Variants in FANCA observed in about 807,000 individuals in gnomAD.
FANCA encodes FA complementation group A.
FANCA carries 236 observed loss-of-function variants against 194.3 expected under a neutral mutation model. That is an observed-to-expected ratio of 1.21 (90% confidence interval 1.09 to 1.35). The LOEUF (loss-of-function observed/expected upper bound fraction) is 1.35, where lower values mean the gene tolerates loss of function less well. Among genes scored for constraint, FANCA ranks in the 40% most tolerant of loss-of-function variants. The pLI, the probability that FANCA is intolerant of heterozygous loss-of-function variation, is 0.00. For synonymous variants in FANCA, 1,014 were observed against 715.8 expected (o/e 1.42, Z -6.65); for missense variants, 2,628 against 1,813.9 (o/e 1.45, Z -8.15).
At chr16:89,777,819 A>G (rs1306920299) in intron 20 of FANCA, among the ~76,000 whole-genome samples, 1 of 152,022 alleles carries the variant, frequency 6.6e-6, no homozygotes, top group Non-Finnish European at 1.5e-5. Context: ...ATTTTCCTTC[A>G]GTTCTCCTCT....
At chr16:89,771,155 C>CA (rs34471552) in intron 23 of FANCA, among the ~76,000 whole-genome samples, 1,191 of 56,378 alleles carry the variant, frequency 0.021, 16 homozygotes, top group South Asian at 0.028. Context: ...AAGACTCAGT[C>CA]AAAAAAAAAA....
intron 6 of FANCA, among the ~76,000 whole-genome samples, chr16:89,805,995 C>G (rs2088658503): frequency 6.6e-6 from 1 of 152,110 alleles, no homozygotes; most frequent in South Asian, 2.1e-4. Context: ...TCACTACAAC[C>G]TCCGCCTCCC....
At chr16:89,814,325 C>T (rs908961074) in intron 3 of FANCA, among the ~76,000 whole-genome samples, 195 bp downstream of exon 3, 9 of 152,170 alleles carry the variant, frequency 5.9e-5, no homozygotes, top group African/African-American at 1.7e-4. Context: ...TTGAATCAGA[C>T]GCTGTTTTTA....
At chr16:89,799,066 G>C (rs548994758) in intron 10 of FANCA, 100 bp downstream of exon 10, 1 of 1,614,196 alleles carries the variant, frequency 6.2e-7, no homozygotes, top group Non-Finnish European at 8.5e-7. Context: ...GCTCAGGAGC[G>C]GGCTGCTGAA....
chr16:89,812,500 G>C (rs2040925348), intron 3 of FANCA, among the ~76,000 whole-genome samples: 1 of 150,772 alleles, frequency 6.6e-6, no homozygotes, highest in Non-Finnish European at 1.5e-5. Flanking sequence ...TACAAAATTA[G>C]CCAGGCGTGG....
chr16:89,784,228 C>A (rs571807254), intron 15 of FANCA, among the ~76,000 whole-genome samples: 1 of 152,066 alleles, frequency 6.6e-6, no homozygotes, highest in African/African-American at 2.4e-5. Flanking sequence ...AAAAAACAGC[C>A]AGGTTTGCTG....
intron 11 of FANCA, among the ~76,000 whole-genome samples, chr16:89,795,130 C>CA (rs1247563889): frequency 3.3e-5 from 5 of 151,194 alleles, no homozygotes; most frequent in African/African-American, 4.9e-5. Flanking sequence ...ACTAAAAATA[C>CA]AAAAATTAGC....
chr16:89,807,751 C>T (rs574225428), intron 6 of FANCA, among the ~76,000 whole-genome samples: 22 of 152,050 alleles, frequency 1.4e-4, no homozygotes, highest in Non-Finnish European at 2.8e-4. Context: ...GGCGTGGTGG[C>T]GGACGCCTGT....
chr16:89,793,387 G>A (rs1369253534), intron 11 of FANCA, among the ~76,000 whole-genome samples: 1 of 152,076 alleles, frequency 6.6e-6, no homozygotes, highest in Non-Finnish European at 1.5e-5. Flanking sequence ...GTCTCTGTAT[G>A]GCCTGGCTTT....
At chr16:89,752,269 G>A in intron 30 of FANCA, 47 bp from the exon 31 acceptor site, 5 of 1,495,190 alleles carry the variant, frequency 3.3e-6, no homozygotes, top group Non-Finnish European at 4.7e-6. Context: ...GCCTAATAGT[G>A]CTGAAGTTCC....
intron 36 of FANCA, among the ~76,000 whole-genome samples, chr16:89,744,186 C>T (rs934564527): frequency 5.9e-5 from 9 of 152,200 alleles, no homozygotes; most frequent in South Asian, 2.1e-4. Context: ...TGCGCCACCG[C>T]GCCGGGGCCC....
At chr16:89,790,670 A>C (rs938983991) in intron 14 of FANCA, among the ~76,000 whole-genome samples, 2 of 151,744 alleles carry the variant, frequency 1.3e-5, no homozygotes, top group Non-Finnish European at 2.9e-5. Context: ...CGGAGTTTGC[A>C]GTGAGCCGAG....
At chr16:89,782,824 C>G (rs371314755) in intron 17 of FANCA, 35 bp downstream of exon 17, 8 of 1,587,858 alleles carry the variant, frequency 5.0e-6, no homozygotes, top group Non-Finnish European at 6.9e-6. Flanking sequence ...GTGGGCGTGA[C>G]TGGCTGAGAC....
intron 14 of FANCA, among the ~76,000 whole-genome samples, chr16:89,790,371 G>C (rs72807596): frequency 0.12 from 18,107 of 150,416 alleles, 1,410 homozygotes; most frequent in Middle Eastern, 0.3. Context: ...TCCAGTATGA[G>C]TGATAGAATG....
At chr16:89,813,032 CAAA>C (rs34840110) in intron 3 of FANCA, among the ~76,000 whole-genome samples, 20 of 127,074 alleles carry the variant, frequency 1.6e-4, no homozygotes, top group African/African-American at 3.1e-4. Flanking sequence ...CACTTCGTCT[CAAA>C]AAAAAAAAAA....
Position 89,743,349 on chromosome 16 carries a change from C to CT in FANCA, c.3627-412dup, listed in dbSNP as rs577303470. 6.6e-5 allele frequency among the ~76,000 whole-genome samples: 10 copies of CT among 152,346 alleles called. No individual in the cohort carries two copies. In the South Asian group the frequency reaches 1.9e-3, roughly 28 times the overall value. On this transcript the variant is annotated intron_variant, in intron 36 of 42. Transcript: ENST00000389301. ...CCTGGCTCTGGCCCCAGTGTGGTGT[C>CT]TGAGTTTTCTGGCTGGTTAAAAAAT...
intron 30 of FANCA, among the ~76,000 whole-genome samples, chr16:89,753,523 C>T (rs1179007950): frequency 2.0e-5 from 3 of 152,212 alleles, no homozygotes; most frequent in East Asian, 1.9e-4. Context: ...AAGCAAAAAC[C>T]GTAAGATTAT....
chr16:89,804,084 A>G (rs985813954), intron 7 of FANCA, among the ~76,000 whole-genome samples: 3 of 152,208 alleles, frequency 2.0e-5, no homozygotes, highest in African/African-American at 7.2e-5. Flanking sequence ...AATAAGACCA[A>G]GAGGACTGAA....
intron 10 of FANCA, among the ~76,000 whole-genome samples, chr16:89,797,202 A>G (rs1209979888): frequency 6.6e-6 from 1 of 151,820 alleles, no homozygotes; most frequent in African/African-American, 2.4e-5. Flanking sequence ...ATGGTGGCAC[A>G]CACCTATAGT....
Sources: allele counts gnomAD v4.1 joint callset (sites outside exome capture counted in the v4.1 genomes callset), GRCh38; gene constraint gnomAD v4.1.1; transcripts MANE v1.5; gene names NCBI Gene and HGNC (gene_info 2026-07-23, HGNC 2026-07-21).